The following TMEM14A variants were observed in gnomAD, a reference collection of about 807,000 sequenced individuals.
The protein encoded by TMEM14A is transmembrane protein 14A.
TMEM14A carries 8 observed loss-of-function variants against 11.6 expected under a neutral mutation model. The observed-to-expected ratio is 0.69, with a 90% CI of 0.40 to 1.24. The LOEUF (loss-of-function observed/expected upper bound fraction) is 1.24, where lower values mean the gene tolerates loss of function less well. Among genes scored for constraint, TMEM14A ranks in the 50% most tolerant of loss-of-function variants. TMEM14A has a pLI of 0.01. For synonymous variants in TMEM14A, 34 were observed against 45.5 expected (o/e 0.75, Z 1.02); for missense variants, 108 against 121.9 (o/e 0.89, Z 0.54).
chr6:52,671,371 A>G (rs1448318582), intron 1 of TMEM14A, 126 bp downstream of exon 1: 1 of 152,212 alleles, frequency 6.6e-6, no homozygotes, highest in Non-Finnish European at 1.5e-5. Context: ...GCAAACGATG[A>G]TGCAGAGGAC....
chr6:52,672,071 G>T (rs1769171866), intron 1 of TMEM14A, among the ~76,000 whole-genome samples: 1 of 152,218 alleles, frequency 6.6e-6, no homozygotes, highest in Admixed American at 6.5e-5. Flanking sequence ...GGGGCTACCT[G>T]TTTCCTGGCA....
In TMEM14A at chr6:52,671,118, G is replaced by T. The variant is rs952786187; in HGVS notation, c.-144G>T. The T allele has an allele frequency of 2.6e-5, 4 of 152,398 alleles. No homozygotes were observed. Among genetic ancestry groups the T allele is most frequent in the Non-Finnish European group, 4.4e-5 (3 of 68,156 alleles). 9.4% of individuals were successfully genotyped at this position (152,398 alleles called of 1,614,324 possible). A position where few individuals can be genotyped will look rare whatever the true frequency, so the allele number is the denominator to read the frequency against. On this transcript the variant is annotated 5_prime_UTR_variant, in exon 1 of 5. Coordinates refer to ENST00000211314, the MANE Select transcript of TMEM14A (RefSeq NM_014051.4). The stretch of plus-strand genomic sequence containing the variant: ...GGAGGGAGCGGCCTTTGCTCAGCGC[G>T]AGACGGCTGGGCGCCGAGTGGGACA...
chr6:52,674,708 C>A (rs1769222838), intron 1 of TMEM14A, among the ~76,000 whole-genome samples: 1 of 152,110 alleles, frequency 6.6e-6, no homozygotes. Context: ...TCCTACTGTA[C>A]CACTTCTCGG....
intron 2 of TMEM14A, among the ~76,000 whole-genome samples, chr6:52,681,548 G>A (rs1769391828): frequency 6.6e-6 from 1 of 152,200 alleles, no homozygotes; most frequent in Admixed American, 6.5e-5. Context: ...GAACAAGGCA[G>A]GTTTTCTTAT....
chr6:52,681,373 C>A (rs1428836322), intron 2 of TMEM14A, among the ~76,000 whole-genome samples: 4 of 152,178 alleles, frequency 2.6e-5, no homozygotes, highest in Admixed American at 2.0e-4. Context: ...TTGTATAGCA[C>A]TTCTGTCTTT....
chr6:52,673,362 A>G lies in TMEM14A; in HGVS notation c.-17+2117A>G, dbSNP rs1258279316. Among the ~76,000 whole-genome samples, 4 of 151,856 alleles carry G rather than the reference A, an allele frequency of 2.6e-5. No homozygotes were observed. The East Asian group carries it at 5.8e-4, about 22-fold the overall frequency. On this transcript the variant is annotated intron_variant, in intron 1 of 4. Coordinates refer to ENST00000211314, the MANE Select transcript of TMEM14A (RefSeq NM_014051.4). ...AGGCCTTGAATTTTGAGTTAAATCA[A>G]GTTGCCAGGTAGAGGTCATTGAGGG...
intron 1 of TMEM14A, among the ~76,000 whole-genome samples, chr6:52,672,249 C>T (rs866985787): frequency 2.0e-4 from 31 of 152,032 alleles, no homozygotes; most frequent in African/African-American, 7.0e-4. Context: ...CCTTGGTTTG[C>T]CCTCAAGGAG....
intron 4 of TMEM14A, among the ~76,000 whole-genome samples, chr6:52,684,565 A>C (rs562887584): frequency 1.1e-4 from 17 of 152,344 alleles, no homozygotes; most frequent in African/African-American, 4.1e-4. Flanking sequence ...AAGGGACAGA[A>C]ATTTAATATT....
chr6:52,672,853 C>T (rs1561872655), intron 1 of TMEM14A, among the ~76,000 whole-genome samples: 3 of 152,186 alleles, frequency 2.0e-5, no homozygotes. Flanking sequence ...ACTTCACAAC[C>T]CATCTTCACT....
chr6:52,683,481 AAC>A (rs1270719968), intron 3 of TMEM14A, among the ~76,000 whole-genome samples: 1,768 of 114,816 alleles, frequency 0.015, 21 homozygotes, highest in African/African-American at 0.057. Flanking sequence ...CAACAACAAC[AAC>A]AAAAAAAAAA....
intron 1 of TMEM14A, among the ~76,000 whole-genome samples, chr6:52,671,885 T>G (rs1769168397): frequency 6.6e-6 from 1 of 152,204 alleles, no homozygotes; most frequent in Non-Finnish European, 1.5e-5. Flanking sequence ...ATCCCTTCCA[T>G]GTTAACACAG....
intron 2 of TMEM14A, among the ~76,000 whole-genome samples, chr6:52,680,174 A>G (rs918716633): frequency 2.6e-5 from 4 of 152,002 alleles, no homozygotes; most frequent in African/African-American, 9.7e-5. Context: ...CATGAACAGC[A>G]TATAAACATA....
chr6:52,678,081 AGAT>A (rs1769292773), intron 2 of TMEM14A, among the ~76,000 whole-genome samples: 1 of 152,200 alleles, frequency 6.6e-6, no homozygotes, highest in African/African-American at 2.4e-5. Context: ...GGAAAAAAAA[AGAT>A]GATGGCACCA....
At chr6:52,674,357 A>G (rs1396922239) in intron 1 of TMEM14A, among the ~76,000 whole-genome samples, 2 of 152,202 alleles carry the variant, frequency 1.3e-5, no homozygotes, top group African/African-American at 2.4e-5. Context: ...TTTTTTCAGC[A>G]GCTAACTCAG....
chr6:52,677,069 C>T lies in TMEM14A; in HGVS notation c.-16-18C>T. 1 of 1,611,336 alleles carries T rather than the reference C, an allele frequency of 6.2e-7. No individual in the cohort carries two copies. Among genetic ancestry groups the T allele is most frequent in the Non-Finnish European group, 8.5e-7 (1 of 1,177,620 alleles). On this transcript the variant is annotated intron_variant, in intron 1 of 4. Coordinates refer to ENST00000211314, the MANE Select transcript of TMEM14A (RefSeq NM_014051.4). ...ACTTTTTTATTTTGTATAATTTGTC[C>T]TTTCCCCCTTGCTTTAGAATTGCAA...
chr6:52,680,708 C>CACATAT (rs1241526053), intron 2 of TMEM14A, among the ~76,000 whole-genome samples: 1 of 21,548 alleles, frequency 4.6e-5, no homozygotes, highest in Non-Finnish European at 8.7e-5. Flanking sequence ...TATATATACA[C>CACATAT]ATATATATAT....
chr6:52,683,743 CTGGG>C (rs1210726372), intron 3 of TMEM14A, among the ~76,000 whole-genome samples: 2 of 152,122 alleles, frequency 1.3e-5, no homozygotes, highest in Admixed American at 1.3e-4. Context: ...TCCCGAGTAG[CTGGG>C]ATTACAGGCA....
Position 52,677,156 on chromosome 6 carries a change from T to G in TMEM14A, c.54T>G (p.Phe18Leu), listed in dbSNP as rs143563223. ...CCCTCGTGACATTTGGAAGCATTTT[T>G]GGATATAAGCGGAGAGGTAAGCCTA... is the stretch of plus-strand genomic sequence containing the variant. Reference protein sequence around the residue: ...YAALVTFGSIFGYKRRGGVPS... With the variant: ...YAALVTFGSILGYKRRGGVPS... The change falls in exon 2 of 5, where the codon TTT becomes TTG. Residue 18 changes from phenylalanine (F) to leucine (L), a missense_variant. Phe to Leu is a conservative substitution (Grantham distance 22). Transcript: ENST00000211314. 11 of 1,614,096 alleles carry G rather than the reference T, an allele frequency of 6.8e-6. No homozygotes were observed. The African/African-American group carries it at 1.3e-4, about 20-fold the overall frequency.
intron 3 of TMEM14A, 72 bp from the exon 4 acceptor site, chr6:52,684,006 G>A: frequency 7.2e-7 from 1 of 1,386,130 alleles, no homozygotes; most frequent in Non-Finnish European, 1.0e-6. Context: ...GCTTTAAATG[G>A]TACCCGCTGT....
Sources: allele counts gnomAD v4.1 joint callset (sites outside exome capture counted in the v4.1 genomes callset), GRCh38; gene constraint gnomAD v4.1.1; transcripts MANE v1.5; gene names NCBI Gene and HGNC (gene_info 2026-07-23, HGNC 2026-07-21).